The following RALYL variants were observed in gnomAD, a reference collection of about 807,000 sequenced individuals.
RALYL encodes the protein RNA-binding Raly-like protein.
A neutral mutation model predicts 35.1 loss-of-function variants in RALYL; 29 were observed. The ratio of observed to expected loss-of-function variants is 0.83; its 90% CI spans 0.61 to 1.13. RALYL has a LOEUF of 1.13. RALYL is among the 50% of genes most tolerant of loss of function. The pLI, the probability that RALYL is intolerant of heterozygous loss-of-function variation, is 0.00. For missense variants in RALYL, 359 were observed against 360.4 expected (o/e 1.00, Z 0.03); for synonymous variants, 120 against 127.6 (o/e 0.94, Z 0.40).
At chr8:84,603,050 T>C (rs1161715388) in intron 2 of RALYL, among the ~76,000 whole-genome samples, 1 of 152,046 alleles carries the variant, frequency 6.6e-6, no homozygotes, top group Non-Finnish European at 1.5e-5. Flanking sequence ...TTTAGATATA[T>C]TACCACTGAA....
chr8:84,516,279 T>G (rs1378387556), intron 1 of RALYL, among the ~76,000 whole-genome samples: 1 of 152,042 alleles, frequency 6.6e-6, no homozygotes, highest in Non-Finnish European at 1.5e-5. Context: ...ATTTCATCCA[T>G]GCACTTAATA....
intron 4 of RALYL, among the ~76,000 whole-genome samples, chr8:84,835,147 C>T (rs183735479): frequency 1.9e-4 from 29 of 151,852 alleles, no homozygotes; most frequent in African/African-American, 2.4e-4. Context: ...AGAAGAGAGA[C>T]GGTGATAATT....
chr8:84,844,916 G>A (rs370149504), intron 4 of RALYL, among the ~76,000 whole-genome samples: 30 of 151,786 alleles, frequency 2.0e-4, no homozygotes, highest in South Asian at 1.3e-3. Context: ...GGAATTGAAC[G>A]ATGAGAACAC....
At chr8:84,675,420 GA>G (rs1319364359) in intron 2 of RALYL, among the ~76,000 whole-genome samples, 1 of 152,032 alleles carries the variant, frequency 6.6e-6, no homozygotes, top group Non-Finnish European at 1.5e-5. Context: ...CCTTAAATAG[GA>G]GATAGGCGAA....
At chr8:84,889,595 A>T (rs1325608049) in intron 8 of RALYL, among the ~76,000 whole-genome samples, 1 of 152,132 alleles carries the variant, frequency 6.6e-6, no homozygotes, top group African/African-American at 2.4e-5. Flanking sequence ...TAGAGCGTTA[A>T]ATATTATCTA....
intron 1 of RALYL, among the ~76,000 whole-genome samples, chr8:84,190,117 T>G (rs1813499224): frequency 6.6e-6 from 1 of 152,208 alleles, no homozygotes; most frequent in Non-Finnish European, 1.5e-5. Flanking sequence ...TTGGAGCTTT[T>G]GCAGTGTGAT....
At chr8:84,632,468 C>G (rs1191636958) in intron 2 of RALYL, among the ~76,000 whole-genome samples, 2 of 151,872 alleles carry the variant, frequency 1.3e-5, no homozygotes, top group Non-Finnish European at 2.9e-5. Flanking sequence ...CAGTGTTGCA[C>G]CATGTCCCAT....
At chr8:84,698,832 C>T (rs770322222) in intron 2 of RALYL, among the ~76,000 whole-genome samples, 53 of 152,230 alleles carry the variant, frequency 3.5e-4, no homozygotes, top group East Asian at 7.8e-4. Flanking sequence ...TCACGTGCCA[C>T]GTGCCACTTG....
At chr8:84,622,861 C>G (rs11989459) in intron 2 of RALYL, among the ~76,000 whole-genome samples, 12,086 of 152,060 alleles carry the variant, frequency 0.079, 1,215 homozygotes, top group African/African-American at 0.23. Context: ...CACACCAAGT[C>G]GTTGTTATCT....
chr8:84,913,016 A>G (rs1046240739), intron 8 of RALYL, among the ~76,000 whole-genome samples: 1 of 129,662 alleles, frequency 7.7e-6, no homozygotes, highest in Non-Finnish European at 1.6e-5. Flanking sequence ...GGATGGATGG[A>G]TGGATGGATG....
At chr8:84,372,762 T>C (rs1855986702) in intron 1 of RALYL, among the ~76,000 whole-genome samples, 1 of 151,908 alleles carries the variant, frequency 6.6e-6, no homozygotes, top group South Asian at 2.1e-4. Context: ...CTGAGTTAAA[T>C]GGTAATTCTG....
At chr8:84,349,869 G>C (rs1850562603) in intron 1 of RALYL, among the ~76,000 whole-genome samples, 1 of 150,228 alleles carries the variant, frequency 6.7e-6, no homozygotes, top group African/African-American at 2.5e-5. Context: ...CCTGAGCCAA[G>C]AACTTGACCT....
chr8:84,844,282 A>G (rs1834099855), intron 4 of RALYL, among the ~76,000 whole-genome samples: 2 of 152,236 alleles, frequency 1.3e-5, no homozygotes, highest in Admixed American at 1.3e-4. Context: ...GAAAAAAACA[A>G]ACAACCTCAT....
intron 4 of RALYL, among the ~76,000 whole-genome samples, chr8:84,848,937 A>T (rs777692675): frequency 2.9e-4 from 44 of 152,140 alleles, no homozygotes; most frequent in Non-Finnish European, 5.3e-4. Context: ...TGTTGTCAAA[A>T]TGACCCCACT....
At chr8:84,429,135 A>G (rs577161910) in intron 1 of RALYL, among the ~76,000 whole-genome samples, 1 of 152,286 alleles carries the variant, frequency 6.6e-6, no homozygotes, top group Non-Finnish European at 1.5e-5. Context: ...AGGGGCACGA[A>G]AAAGCATATT....
intron 1 of RALYL, among the ~76,000 whole-genome samples, chr8:84,452,768 C>A (rs1311196994): frequency 6.6e-6 from 1 of 151,854 alleles, no homozygotes; most frequent in Non-Finnish European, 1.5e-5. Flanking sequence ...TCTTTCATTA[C>A]CTTCTTTTCT....
At chr8:84,642,637 G>T (rs1207700949) in intron 2 of RALYL, among the ~76,000 whole-genome samples, 1 of 152,036 alleles carries the variant, frequency 6.6e-6, no homozygotes, top group Non-Finnish European at 1.5e-5. Flanking sequence ...GCCATACTAT[G>T]TAACCAGCTG....
At chr8:84,871,891 C>A (rs929724465) in intron 6 of RALYL, among the ~76,000 whole-genome samples, 3 of 151,998 alleles carry the variant, frequency 2.0e-5, no homozygotes, top group African/African-American at 7.2e-5. Context: ...TTATCTTAAT[C>A]GACAAATAGT....
Position 84,187,350 on chromosome 8 carries a change from G to T in RALYL, c.-24+2926G>T, listed in dbSNP as rs188752572. ...AGTTGGAATTCTGTCTTGAGTGTGT[G>T]GTCTGTTGAAGAATATTTAAATGAA... On this transcript the variant is annotated intron_variant, in intron 1 of 8. Transcript: ENST00000521268. 2.0e-3 allele frequency among the ~76,000 whole-genome samples: 297 copies of T among 152,090 alleles called. 1 individual carries two copies. Among genetic ancestry groups the T allele is most frequent in the Non-Finnish European group, 2.2e-3 (147 of 67,910 alleles).
Sources: gnomAD v4.1 joint callset for allele counts (sites outside exome capture counted in the v4.1 genomes callset) on GRCh38, gnomAD v4.1.1 for gene constraint, MANE v1.5 for transcripts, NCBI Gene and HGNC (gene_info 2026-07-23, HGNC 2026-07-21) for gene names.